HDAC9: variants seen among roughly 807,000 people sequenced by gnomAD.
The protein encoded by HDAC9 is histone deacetylase 9.
HDAC9 carries 41 observed loss-of-function variants against 139.4 expected under a neutral mutation model. That is an observed-to-expected ratio of 0.29 (90% CI 0.23 to 0.38). The LOEUF (loss-of-function observed/expected upper bound fraction) is 0.38, where lower values mean the gene tolerates loss of function less well. HDAC9 is among the 10% of genes least tolerant of loss of function. The probability of loss-of-function intolerance (pLI) is 1.00; values close to 1 mark genes in which losing one functional copy is unlikely to be tolerated. For missense variants in HDAC9, 1,147 were observed against 1,297.0 expected (o/e 0.88, Z 1.78); for synonymous variants, 517 against 476.2 (o/e 1.09, Z -1.12).
intron 2 of HDAC9, among the ~76,000 whole-genome samples, chr7:18,194,000 A>G (rs1276362040): frequency 1.3e-5 from 2 of 152,196 alleles, no homozygotes; most frequent in African/African-American, 2.4e-5. Context: ...GCATCAGGGA[A>G]TAGTCCCAAA....
At chr7:18,410,114 C>T (rs1400705953) in intron 1 of HDAC9, among the ~76,000 whole-genome samples, 2 of 151,992 alleles carry the variant, frequency 1.3e-5, no homozygotes, top group Non-Finnish European at 2.9e-5. Flanking sequence ...AGTTTCTTCA[C>T]TCTCTTGGTA....
intron 22 of HDAC9, among the ~76,000 whole-genome samples, chr7:18,919,465 A>G (rs1168970687): frequency 6.6e-6 from 1 of 152,054 alleles, no homozygotes; most frequent in African/African-American, 2.4e-5. Context: ...AAGTCTTACA[A>G]TGTTAGGCAC....
intron 1 of HDAC9, among the ~76,000 whole-genome samples, chr7:18,158,362 T>C (rs767246901): frequency 6.6e-6 from 1 of 152,234 alleles, no homozygotes; most frequent in Non-Finnish European, 1.5e-5. Flanking sequence ...GAGTTTGATC[T>C]ATTCAATGGC....
chr7:18,953,468 A>G (rs1445781648), intron 23 of HDAC9, among the ~76,000 whole-genome samples: 2 of 152,124 alleles, frequency 1.3e-5, no homozygotes, highest in East Asian at 3.9e-4. Context: ...ATGCTTGCTG[A>G]GCTTCTCCAT....
chr7:18,465,137 G>T (rs1218338550), intron 1 of HDAC9, among the ~76,000 whole-genome samples: 1 of 151,954 alleles, frequency 6.6e-6, no homozygotes, highest in African/African-American at 2.4e-5. Flanking sequence ...GCCATTATAT[G>T]AAGTACAATT....
At chr7:18,175,133 C>G (rs545244134) in intron 2 of HDAC9, among the ~76,000 whole-genome samples, 1 of 152,330 alleles carries the variant, frequency 6.6e-6, no homozygotes, top group East Asian at 1.9e-4. Flanking sequence ...TTCCTGAGCA[C>G]TTTGTTTATC....
chr7:18,689,160 C>T (rs934298422), intron 12 of HDAC9, among the ~76,000 whole-genome samples: 3 of 151,838 alleles, frequency 2.0e-5, no homozygotes, highest in Non-Finnish European at 4.4e-5. Context: ...TAGAGACTGG[C>T]CTAACCTTGG....
At chr7:18,817,635 A>G (rs1794669993) in intron 17 of HDAC9, among the ~76,000 whole-genome samples, 1 of 152,214 alleles carries the variant, frequency 6.6e-6, no homozygotes, top group Non-Finnish European at 1.5e-5. Flanking sequence ...TAGCTAATGT[A>G]TACTTTATTT....
chr7:18,554,211 T>C (rs1172732831), intron 2 of HDAC9, among the ~76,000 whole-genome samples: 2 of 151,964 alleles, frequency 1.3e-5, no homozygotes, highest in Non-Finnish European at 2.9e-5. Context: ...AACTGTATTG[T>C]CTATATTGTC....
chr7:18,987,448 G>A (rs1785458866), intron 25 of HDAC9, among the ~76,000 whole-genome samples: 2 of 152,208 alleles, frequency 1.3e-5, no homozygotes, highest in South Asian at 4.1e-4. Flanking sequence ...GCTTTTTGAT[G>A]TGCTGCTGGA....
chr7:18,139,664 C>T (rs1785741821), intron 1 of HDAC9, among the ~76,000 whole-genome samples: 1 of 152,078 alleles, frequency 6.6e-6, no homozygotes, highest in Non-Finnish European at 1.5e-5. Flanking sequence ...TGAATGTTAC[C>T]TCATATGGCC....
chr7:18,889,528 A>G (rs1800487562), intron 22 of HDAC9, among the ~76,000 whole-genome samples: 1 of 152,042 alleles, frequency 6.6e-6, no homozygotes, highest in Admixed American at 6.5e-5. Flanking sequence ...ATGGGTGTTT[A>G]TTCAAGATAT....
intron 2 of HDAC9, among the ~76,000 whole-genome samples, chr7:18,244,729 C>T (rs1256216767): frequency 1.3e-5 from 2 of 151,968 alleles, no homozygotes; most frequent in Admixed American, 6.5e-5. Context: ...ACCCGGGAGG[C>T]GGAGCTTGCA....
Position 18,996,127 on chromosome 7 carries a change from C to T in HDAC9, c.*65C>T, listed in dbSNP as rs1431404582. ...CATTGTGTATCCCCCCACCCCAGTACCCTCAGACATGTCTTGTCTGCTGCC... is the reference window on the plus strand; with the variant it reads ...CATTGTGTATCCCCCCACCCCAGTATCCTCAGACATGTCTTGTCTGCTGCC... On this transcript the variant is annotated 3_prime_UTR_variant, in exon 26 of 26. Transcript: ENST00000686413. The T allele has an allele frequency of 2.5e-6, 3 of 1,215,880 alleles. No homozygotes were observed. Among genetic ancestry groups the T allele is most frequent in the Non-Finnish European group, 3.6e-6 (3 of 840,414 alleles). The allele number at this position is 1,215,880 out of a possible 1,614,324, so 75.3% of individuals were successfully genotyped here.
intron 22 of HDAC9, among the ~76,000 whole-genome samples, chr7:18,901,149 G>A (rs1460903983): frequency 6.7e-6 from 1 of 148,990 alleles, no homozygotes; most frequent in Middle Eastern, 3.3e-3. Context: ...TATTCCCAAG[G>A]CTCCAATACT....
chr7:18,356,394 C>G (rs1348005662), intron 1 of HDAC9, among the ~76,000 whole-genome samples: 5 of 53,446 alleles, frequency 9.4e-5, no homozygotes, highest in Non-Finnish European at 1.8e-4. Context: ...TTAAAGACAA[C>G]AAACTTGTAA....
chr7:18,174,629 G>A (rs1054994610), intron 2 of HDAC9, among the ~76,000 whole-genome samples: 1 of 152,212 alleles, frequency 6.6e-6, no homozygotes, highest in African/African-American at 2.4e-5. Context: ...CTACAGATGG[G>A]ATTTTGGTGT....
chr7:18,935,792 T>G lies in HDAC9; in HGVS notation c.2804-17T>G. 3 of 1,608,904 alleles carry G rather than the reference T, an allele frequency of 1.9e-6. No individual in the cohort carries two copies. The highest frequency in any genetic ancestry group is 2.6e-6 in the Non-Finnish European group (3 of 1,176,062). ...CTTGATTTAATACTTTGAAATGTTC[T>G]GTTTGTATTATGGTAGGTTTTGGTC... On this transcript the variant is annotated splice_polypyrimidine_tract_variant and intron_variant, in intron 22 of 25. Transcript: ENST00000686413.
chr7:18,303,975 G>GTTT (rs944179755), intron 1 of HDAC9, among the ~76,000 whole-genome samples: 109 of 152,298 alleles, frequency 7.2e-4, no homozygotes, highest in African/African-American at 2.6e-3. Context: ...CTTCTCTGTT[G>GTTT]TTTACAACAC....
Sources: gnomAD v4.1 joint callset for allele counts (sites outside exome capture counted in the v4.1 genomes callset) on GRCh38, gnomAD v4.1.1 for gene constraint, MANE v1.5 for transcripts, NCBI Gene and HGNC (gene_info 2026-07-23, HGNC 2026-07-21) for gene names.